Variants in FAT4 observed in about 807,000 individuals in gnomAD.
The protein encoded by FAT4 is FAT atypical cadherin 4, also known as protocadherin Fat 4.
FAT4 carries 84 observed loss-of-function variants against 303.9 expected under a neutral mutation model. The ratio of observed to expected loss-of-function variants is 0.28; its 90% CI spans 0.23 to 0.33. FAT4 has a LOEUF of 0.33. Among genes scored for constraint, FAT4 ranks in the 10% least tolerant of loss-of-function variants. FAT4 has a pLI of 1.00. For missense variants in FAT4, 6,005 were observed against 6,146.8 expected, an observed-to-expected ratio of 0.98 and a Z score of 0.77; for synonymous variants, 2,307 against 2,298.8, an observed-to-expected ratio of 1.00 and a Z score of -0.10.
chr4:125,342,947 C>T (rs866702368), intron 2 of FAT4, among the ~76,000 whole-genome samples: 1 of 152,002 alleles, frequency 6.6e-6, no homozygotes, highest in African/African-American at 2.4e-5. Context: ...AATGCAATAT[C>T]ATTTTGAAAT....
chr4:125,482,594 T>G (rs1506364), intron 16 of FAT4, among the ~76,000 whole-genome samples: 1 of 151,868 alleles, frequency 6.6e-6, no homozygotes, highest in Non-Finnish European at 1.5e-5. Context: ...TAATTTTTTA[T>G]ATAAATTTTA....
chr4:125,338,643 TAAAAGA>T (rs1731662123), intron 2 of FAT4, among the ~76,000 whole-genome samples: 1 of 152,140 alleles, frequency 6.6e-6, no homozygotes, highest in Non-Finnish European at 1.5e-5. Context: ...TCAGAAAATC[TAAAAGA>T]TTGCTGTGAT....
rs1257893989 is a variant in FAT4 at position 125,315,665 on chromosome 4, G to T, written c.-325G>T. On this transcript the variant is annotated 5_prime_UTR_variant, in exon 1 of 18. Transcript: ENST00000394329. The stretch of plus-strand genomic sequence containing the variant: ...AAGCCGCAACAGGGGCGGCGGCGGC[G>T]GCGGCTGCAGGAGGGGAAGGGGCAG... Among the ~76,000 whole-genome samples, 1 of 152,186 alleles carries T rather than the reference G, an allele frequency of 6.6e-6. No individual in the cohort carries two copies. Among genetic ancestry groups the T allele is most frequent in the Non-Finnish European group, 1.5e-5 (1 of 68,032 alleles).
In FAT4 at chr4:125,415,302, C is replaced by T. The variant is rs748382073; in HGVS notation, c.6339C>T (p.Asp2113=). Residue 2113 remains aspartate, a synonymous_variant, in exon 6 of 18, where the codon GAC becomes GAT. Transcript: ENST00000394329. ...DGEVRLTGEL[D]REEVSNYTLT... is the part of the protein sequence containing the mutation. ...AAGTGAGGCTCACTGGAGAACTGGA[C>T]AGAGAAGAAGTTTCTAATTATACTC... 5.6e-6 allele frequency: 9 copies of T among 1,613,888 alleles called. 1 individual carries two copies. In the East Asian group the frequency reaches 1.1e-4, roughly 20 times the overall value.
chr4:125,317,406 C>T lies in FAT4; in HGVS notation c.995C>T (p.Ser332Phe), dbSNP rs754719083. 3 of 1,613,542 alleles carry T rather than the reference C, an allele frequency of 1.9e-6. No individual in the cohort carries two copies. The highest frequency in any genetic ancestry group is 2.2e-5 in the East Asian group (1 of 44,858). ...CAGGCGATGGACAGAGGCGTGCCTT[C>T]CCTCACTGGGCGCGCCGAGGCGCTG... ...TVQAMDRGVP[S>F]LTGRAEALIQ... Residue 332 changes from serine to phenylalanine, a missense_variant, in exon 2 of 18, where the codon TCC (serine) becomes TTC (phenylalanine). Physicochemically the swap from Ser to Phe is radical, Grantham distance 155. Coordinates refer to ENST00000394329, the MANE Select transcript of FAT4 (RefSeq NM_001291303.3). The surrounding 1 kb of genome is among the most constrained non-coding windows in gnomAD (Gnocchi z 7.0).
At chr4:125,479,618 A>G in intron 14 of FAT4, 123 bp from the exon 15 acceptor site, 2 of 945,968 alleles carry the variant, frequency 2.1e-6, no homozygotes, top group Non-Finnish European at 2.8e-6. Flanking sequence ...ATGTAGTTGT[A>G]ACTTGAGCTT....
At position 125,394,638 on chromosome 4, in the gene FAT4, C is replaced by A. The variant is rs192021205; in HGVS notation, c.5176-4146C>A. On this transcript the variant is annotated intron_variant, in intron 2 of 17. Coordinates refer to ENST00000394329, the MANE Select transcript of FAT4 (RefSeq NM_001291303.3). ...GTTTCCTGCTTTTTTCTCTAAACTT[C>A]TAATGTTCAATTCTTGTGTTTTATA... is the stretch of plus-strand genomic sequence containing the variant. Among the ~76,000 whole-genome samples, 52 of 152,192 alleles carry A rather than the reference C, an allele frequency of 3.4e-4. 1 individual carries two copies. Among genetic ancestry groups the A allele is most frequent in the African/African-American group, 1.2e-3 (50 of 41,530 alleles).
intron 12 of FAT4, among the ~76,000 whole-genome samples, chr4:125,469,265 G>A (rs1230901511): frequency 6.6e-6 from 1 of 152,150 alleles, no homozygotes. Context: ...TAGTCTTTTT[G>A]CTGGTGGAGG....
At chr4:125,440,610 T>TGTGTGAGAGAGA (rs372756130) in intron 8 of FAT4, among the ~76,000 whole-genome samples, 3,161 of 75,720 alleles carry the variant, frequency 0.042, 104 homozygotes, top group South Asian at 0.06. Flanking sequence ...TGTGTGTGTG[T>TGTGTGAGAGAGA]GAGAGAGAGA....
intron 10 of FAT4, among the ~76,000 whole-genome samples, chr4:125,458,371 T>G (rs899464078): frequency 1.3e-5 from 2 of 151,986 alleles, no homozygotes; most frequent in Admixed American, 6.6e-5. Flanking sequence ...TTCATAAAGA[T>G]GGAAAGAGTT....
chr4:125,367,608 C>T (rs544221155), intron 2 of FAT4, among the ~76,000 whole-genome samples: 1 of 152,114 alleles, frequency 6.6e-6, no homozygotes. Context: ...GAAAAAATAA[C>T]ATACTCTGTA....
intron 2 of FAT4, among the ~76,000 whole-genome samples, chr4:125,381,842 A>G (rs1448093049): frequency 1.3e-5 from 2 of 152,180 alleles, no homozygotes; most frequent in Non-Finnish European, 2.9e-5. Context: ...CCACTCTTTT[A>G]TCAGCTAAGT....
rs568270211 is a variant in FAT4, at chr4:125,448,138, T to C, written c.7451-323T>C. Among the ~76,000 whole-genome samples, 5 of 152,262 alleles carry C rather than the reference T, an allele frequency of 3.3e-5. No homozygotes were observed. In the South Asian group the frequency reaches 8.3e-4, roughly 25 times the overall value. ...CTTGGAATGTTGTTTTATGTGCAGATTTTTCTCCTAGAAACTATGATTTTT... is the reference window on the plus strand; with the variant it reads ...CTTGGAATGTTGTTTTATGTGCAGACTTTTCTCCTAGAAACTATGATTTTT... On this transcript the variant is annotated intron_variant, in intron 9 of 17. Coordinates refer to ENST00000394329, the MANE Select transcript of FAT4 (RefSeq NM_001291303.3).
chr4:125,420,903 A>G (rs1724848041), intron 7 of FAT4, among the ~76,000 whole-genome samples: 1 of 152,190 alleles, frequency 6.6e-6, no homozygotes, highest in Non-Finnish European at 1.5e-5. Flanking sequence ...CTGCATGAGC[A>G]GAAACTACAT....
At chr4:125,349,246 T>A (rs1275770124) in intron 2 of FAT4, among the ~76,000 whole-genome samples, 1 of 151,786 alleles carries the variant, frequency 6.6e-6, no homozygotes, top group Admixed American at 6.6e-5. Flanking sequence ...ACAATTATAG[T>A]TGAGAGAAAT....
chr4:125,427,140 G>A (rs2126037827), intron 7 of FAT4, among the ~76,000 whole-genome samples: 1 of 151,552 alleles, frequency 6.6e-6, no homozygotes, highest in African/African-American at 2.4e-5. Flanking sequence ...TTCCTCATAT[G>A]TGCTTTTTGC....
chr4:125,450,709 T>C lies in FAT4; in HGVS notation c.9699T>C (p.Tyr3233=). ...ADSGTNAVIA[Y]TVQSSDSDLF... ...CTGGAACAAATGCTGTGATTGCGTATACTGTACAGTCATCTGACAGTGACC... is the reference window on the plus strand; with the variant it reads ...CTGGAACAAATGCTGTGATTGCGTACACTGTACAGTCATCTGACAGTGACC... The change falls in exon 10 of 18, where the codon TAT becomes TAC. Residue 3233 remains tyrosine, a synonymous_variant. Transcript: ENST00000394329. 6.2e-7 allele frequency: 1 copy of C among 1,614,138 alleles called. No homozygotes were observed. Among genetic ancestry groups the C allele is most frequent in the East Asian group, 2.2e-5 (1 of 44,856 alleles).
Position 125,491,346 on chromosome 4 carries a change from A to G in FAT4, c.14530A>G (p.Ser4844Gly). 6.2e-7 allele frequency: 1 copy of G among 1,614,226 alleles called. No homozygotes were observed. Among genetic ancestry groups the G allele is most frequent in the Non-Finnish European group, 8.5e-7 (1 of 1,180,036 alleles). The change falls in exon 18 of 18, where the codon AGT becomes GGT. Residue 4844 changes from serine to glycine, a missense_variant. Coordinates refer to ENST00000394329, the MANE Select transcript of FAT4 (RefSeq NM_001291303.3). Reference sequence around the variant, plus strand: ...TCCAGCTCCAGAATCCTCTTCTGATAGTGACTCCCATGAATCTTTCACTTG... The same window carrying G: ...TCCAGCTCCAGAATCCTCTTCTGATGGTGACTCCCATGAATCTTTCACTTG... Reference protein sequence around the residue: ...GIPAPESSSDSDSHESFTCSE... With the variant: ...GIPAPESSSDGDSHESFTCSE...
At chr4:125,446,942 A>G (rs1578652847) in intron 9 of FAT4, among the ~76,000 whole-genome samples, 1 of 152,014 alleles carries the variant, frequency 6.6e-6, no homozygotes, top group East Asian at 1.9e-4. Flanking sequence ...GATATGGGAG[A>G]TAATAGGCAT....
Sources: allele counts gnomAD v4.1 joint callset (sites outside exome capture counted in the v4.1 genomes callset), GRCh38; gene constraint gnomAD v4.1.1; non-coding constraint Gnocchi (gnomAD v3.1); transcripts MANE v1.5; gene names NCBI Gene and HGNC (gene_info 2026-07-23, HGNC 2026-07-21).